Variants in CNTNAP5 observed in about 807,000 individuals in gnomAD.
The protein encoded by CNTNAP5 is contactin-associated protein-like 5.
A neutral mutation model predicts 150.2 loss-of-function variants in CNTNAP5; 72 were observed. That is an observed-to-expected ratio of 0.48 (90% CI 0.40 to 0.58). CNTNAP5 has a LOEUF of 0.58. Among genes scored for constraint, CNTNAP5 ranks in the 20% least tolerant of loss-of-function variants. The probability of loss-of-function intolerance (pLI) is 0.00; values close to 1 mark genes in which losing one functional copy is unlikely to be tolerated. For missense variants in CNTNAP5, 1,636 were observed against 1,626.2 expected (o/e 1.01, Z -0.10); for synonymous variants, 672 against 619.8 (o/e 1.08, Z -1.25).
At chr2:124,742,530 A>G (rs920476947) in intron 13 of CNTNAP5, among the ~76,000 whole-genome samples, 3 of 151,988 alleles carry the variant, frequency 2.0e-5, no homozygotes, top group Non-Finnish European at 2.9e-5. Context: ...GTGTAAGATC[A>G]CCTTCTGTGA....
chr2:124,785,480 G>A (rs1263715012), intron 17 of CNTNAP5, among the ~76,000 whole-genome samples: 1 of 152,226 alleles, frequency 6.6e-6, no homozygotes, highest in Non-Finnish European at 1.5e-5. Flanking sequence ...TGACTAATAA[G>A]TTTATATGAG....
intron 1 of CNTNAP5, among the ~76,000 whole-genome samples, chr2:124,147,678 G>T (rs1684287396): frequency 6.6e-6 from 1 of 152,212 alleles, no homozygotes; most frequent in African/African-American, 2.4e-5. Flanking sequence ...CAGCTCCATT[G>T]AGGGGATGGA....
At position 124,911,460 on chromosome 2, in the gene CNTNAP5, C is replaced by T; in HGVS notation, c.3656-7C>T. On this transcript the variant is annotated splice_region_variant and splice_polypyrimidine_tract_variant and intron_variant, in intron 22 of 23. Transcript: ENST00000682447. Reference sequence around the variant, plus strand: ...AAGTAAAGTCCCATGTCTTTTACTCCTTTCAGATCCTTTTGGGAAGACAGA... The same window carrying T: ...AAGTAAAGTCCCATGTCTTTTACTCTTTTCAGATCCTTTTGGGAAGACAGA... The T allele has an allele frequency of 6.3e-7, 1 of 1,587,428 alleles. No homozygotes were observed.
At chr2:124,472,235 T>C (rs1693534937) in intron 6 of CNTNAP5, among the ~76,000 whole-genome samples, 2 of 152,102 alleles carry the variant, frequency 1.3e-5, no homozygotes, top group East Asian at 1.9e-4. Flanking sequence ...CTCTCTTGTC[T>C]GTCACATGGA....
chr2:124,270,961 G>A (rs1687733295), intron 3 of CNTNAP5, among the ~76,000 whole-genome samples: 2 of 152,134 alleles, frequency 1.3e-5, no homozygotes. Context: ...TTTTCTGACT[G>A]CTGGACTGTG....
intron 11 of CNTNAP5, among the ~76,000 whole-genome samples, chr2:124,592,113 G>C (rs1696698213): frequency 6.6e-6 from 1 of 152,036 alleles, no homozygotes; most frequent in African/African-American, 2.4e-5. Flanking sequence ...TATTCAACTA[G>C]TCCTCAATTG....
intron 3 of CNTNAP5, among the ~76,000 whole-genome samples, chr2:124,361,833 C>T (rs1203392516): frequency 6.6e-6 from 1 of 152,130 alleles, no homozygotes; most frequent in Non-Finnish European, 1.5e-5. Flanking sequence ...GTGGTGAGCT[C>T]CACCCAGTTC....
intron 1 of CNTNAP5, among the ~76,000 whole-genome samples, chr2:124,067,268 A>G (rs73952581): frequency 0.014 from 2,115 of 152,288 alleles, 54 homozygotes; most frequent in African/African-American, 0.049. Flanking sequence ...AGTTCTGGAG[A>G]GTCAGAAGTC....
Position 124,504,379 on chromosome 2 carries a change from AC to A in CNTNAP5, c.1156del (p.Gln386LysfsTer7), listed in dbSNP as rs1694351668. ...CGGCAGCTATTTGCTGCTGCCCGGC[AC>A]CCCCCAAATTGATGGGCTCTCAGTG... ...SSGSYLLLPG[T>X]PQIDGLSVSF... On this transcript the variant is annotated frameshift_variant, in exon 8 of 24. Coordinates refer to ENST00000682447, the MANE Select transcript of CNTNAP5 (RefSeq NM_001367498.1). LOFTEE classifies it high-confidence loss of function. 1 of 1,613,586 alleles carries A rather than the reference AC, an allele frequency of 6.2e-7. No homozygotes were observed. Among genetic ancestry groups the A allele is most frequent in the Admixed American group, 1.7e-5 (1 of 59,962 alleles).
At chr2:124,047,905 C>T (rs945670683) in intron 1 of CNTNAP5, among the ~76,000 whole-genome samples, 1 of 152,116 alleles carries the variant, frequency 6.6e-6, no homozygotes, top group East Asian at 1.9e-4. Flanking sequence ...GTTTCTGGTG[C>T]TCTCAGTGTC....
intron 13 of CNTNAP5, among the ~76,000 whole-genome samples, chr2:124,717,008 A>C (rs1679958687): frequency 6.6e-6 from 1 of 152,118 alleles, no homozygotes; most frequent in African/African-American, 2.4e-5. Flanking sequence ...TATCCTCTTG[A>C]ATATCATTCT....
intron 1 of CNTNAP5, among the ~76,000 whole-genome samples, chr2:124,187,712 T>A (rs907332280): frequency 6.6e-6 from 1 of 152,202 alleles, no homozygotes; most frequent in East Asian, 1.9e-4. Context: ...ATGTTTGACC[T>A]GTGGTAAGTT....
intron 3 of CNTNAP5, among the ~76,000 whole-genome samples, chr2:124,278,585 G>A (rs1285591461): frequency 6.6e-6 from 1 of 152,100 alleles, no homozygotes; most frequent in African/African-American, 2.4e-5. Flanking sequence ...GGATGATGCA[G>A]TACTTCAACT....
intron 12 of CNTNAP5, among the ~76,000 whole-genome samples, chr2:124,632,246 T>A (rs1677875874): frequency 6.6e-6 from 1 of 152,176 alleles, no homozygotes; most frequent in African/African-American, 2.4e-5. Context: ...TAAAGTTACA[T>A]GCGTGCATAT....
chr2:124,231,316 T>C (rs1367280011), intron 2 of CNTNAP5, among the ~76,000 whole-genome samples: 1 of 152,182 alleles, frequency 6.6e-6, no homozygotes, highest in Non-Finnish European at 1.5e-5. Flanking sequence ...TCTTCATTTC[T>C]GTCATCACTT....
intron 1 of CNTNAP5, among the ~76,000 whole-genome samples, chr2:124,119,441 T>C (rs1683508789): frequency 6.6e-6 from 1 of 151,792 alleles, no homozygotes; most frequent in Non-Finnish European, 1.5e-5. Flanking sequence ...TAGTATGTAC[T>C]GGATATTTTA....
chr2:124,058,708 A>G (rs1432345715), intron 1 of CNTNAP5, among the ~76,000 whole-genome samples: 1 of 152,146 alleles, frequency 6.6e-6, no homozygotes, highest in African/African-American at 2.4e-5. Context: ...CTCAAATTTT[A>G]TTTGTTAATT....
At chr2:124,279,859 T>C (rs911369656) in intron 3 of CNTNAP5, among the ~76,000 whole-genome samples, 3 of 152,048 alleles carry the variant, frequency 2.0e-5, no homozygotes, top group African/African-American at 7.2e-5. Flanking sequence ...TCCAATCTCC[T>C]TACCTTCACC....
chr2:124,545,945 A>C (rs1465871859), intron 10 of CNTNAP5, among the ~76,000 whole-genome samples: 1 of 152,094 alleles, frequency 6.6e-6, no homozygotes, highest in Non-Finnish European at 1.5e-5. Context: ...AATAAATAAA[A>C]CATTGAAAGT....
Sources: allele counts gnomAD v4.1 joint callset (sites outside exome capture counted in the v4.1 genomes callset), GRCh38; gene constraint gnomAD v4.1.1; transcripts MANE v1.5; gene names NCBI Gene and HGNC (gene_info 2026-07-23, HGNC 2026-07-21).